Variants in BLTP2 observed in about 807,000 individuals in gnomAD.
BLTP2 encodes the protein U937-associated antigen.
chr17:28,632,082 T>C, the BLTP2 span: 18 of 1,613,910 alleles, frequency 1.1e-5, no homozygotes, highest in African/African-American at 1.9e-4. Flanking sequence ...TATAGGAAAG[T>C]TGCTTGTAGT....
chr17:28,639,532 A>G, the BLTP2 span: 1 of 1,613,168 alleles, frequency 6.2e-7, no homozygotes, highest in Non-Finnish European at 8.5e-7. Context: ...ATGTAGCGGG[A>G]GAATAGAGAA....
chr17:28,633,669 C>G, the BLTP2 span: 1 of 1,614,108 alleles, frequency 6.2e-7, no homozygotes, highest in Admixed American at 1.7e-5. Flanking sequence ...AGGGCTTGGT[C>G]AAGAGGTCCA....
At chr17:28,619,766 C>T in the BLTP2 span, 10 of 1,613,914 alleles carry the variant, frequency 6.2e-6, no homozygotes, top group Non-Finnish European at 7.6e-6. Context: ...TTGCTGTCAT[C>T]CTGCAAAGAC....
At chr17:28,624,167 G>C in the BLTP2 span, 1 of 1,541,396 alleles carries the variant, frequency 6.5e-7, no homozygotes, top group Non-Finnish European at 8.9e-7. Context: ...ATTTAGAGGT[G>C]GGGGAAGGGG....
chr17:28,631,789 T>C, the BLTP2 span: 2 of 1,605,238 alleles, frequency 1.2e-6, no homozygotes, highest in Middle Eastern at 1.7e-4. Context: ...AGGAACAGGA[T>C]AGGAGAAATG....
the BLTP2 span, chr17:28,645,100 C>G: frequency 6.5e-7 from 1 of 1,546,218 alleles, no homozygotes; most frequent in Non-Finnish European, 8.7e-7. Flanking sequence ...CCCCGCCATG[C>G]CGGGCCCCGA....
chr17:28,637,821 C>A, the BLTP2 span: 1 of 1,611,020 alleles, frequency 6.2e-7, no homozygotes, highest in Non-Finnish European at 8.5e-7. Flanking sequence ...AGTATAGACT[C>A]CTTGTCCCAC....
At chr17:28,640,041 T>A in the BLTP2 span, 1 of 1,612,402 alleles carries the variant, frequency 6.2e-7, no homozygotes, top group South Asian at 1.1e-5. Context: ...CCGAGACAGA[T>A]TCCAGCTCAG....
chr17:28,639,858 G>C, the BLTP2 span: 1 of 1,609,556 alleles, frequency 6.2e-7, no homozygotes, highest in Non-Finnish European at 8.5e-7. Context: ...AGAGTATCTA[G>C]TCCTCCCATT....
At chr17:28,620,942 A>G in the BLTP2 span, 7 of 1,545,888 alleles carry the variant, frequency 4.5e-6, no homozygotes, top group South Asian at 7.9e-5. Flanking sequence ...AACTACTTTC[A>G]CAATTTCTCT....
the BLTP2 span, among the ~76,000 whole-genome samples, chr17:28,629,497 A>C: frequency 6.6e-6 from 1 of 151,832 alleles, no homozygotes; most frequent in Non-Finnish European, 1.5e-5. Flanking sequence ...TATTTTTTGG[A>C]AACAGAGTCT....
chr17:28,642,835 AG>A, the BLTP2 span: 32 of 1,220,542 alleles, frequency 2.6e-5, no homozygotes, highest in Non-Finnish European at 3.8e-5. Context: ...AGGCAAGAAT[AG>A]GACGGCTAGA....
the BLTP2 span, chr17:28,640,458 C>T: frequency 5.8e-6 from 7 of 1,216,508 alleles, no homozygotes; most frequent in Non-Finnish European, 8.4e-6. Flanking sequence ...TACTTCCTTT[C>T]TCCCCGTAGA....
At chr17:28,615,112 C>T in the BLTP2 span, 2 of 1,613,820 alleles carry the variant, frequency 1.2e-6, no homozygotes, top group South Asian at 2.2e-5. Flanking sequence ...TCTTGTCGCC[C>T]ACACTTAAAC....
the BLTP2 span, chr17:28,641,830 A>G: frequency 6.8e-7 from 1 of 1,465,416 alleles, no homozygotes; most frequent in Non-Finnish European, 9.3e-7. Context: ...TATTTTTTCT[A>G]CTTCCAAAAC....
the BLTP2 span, chr17:28,614,468 T>C: frequency 1.5e-5 from 6 of 408,644 alleles, no homozygotes; most frequent in Admixed American, 1.7e-4. Flanking sequence ...TATCTTTTTT[T>C]TTCTCTTTAA....
chr17:28,637,067 C>G, the BLTP2 span: 1 of 1,614,106 alleles, frequency 6.2e-7, no homozygotes, highest in Non-Finnish European at 8.5e-7. Flanking sequence ...GCATCTTCTC[C>G]GTGACTGATT....
chr17:28,622,091 A>AGGG, the BLTP2 span, among the ~76,000 whole-genome samples: 1 of 151,928 alleles, frequency 6.6e-6, no homozygotes, highest in Non-Finnish European at 1.5e-5. Flanking sequence ...TCGCAGCCTG[A>AGGG]GGGGGGCGGG....
chr17:28,616,513 T>A, the BLTP2 span: 1 of 1,614,144 alleles, frequency 6.2e-7, no homozygotes, highest in Non-Finnish European at 8.5e-7. This position sits in a 1 kb window ranked among gnomAD's most constrained non-coding sequence, Gnocchi z 4.8. Flanking sequence ...GGTATTCCTA[T>A]GAAAAAGCAA....
Sources: gnomAD v4.1 joint callset for allele counts (sites outside exome capture counted in the v4.1 genomes callset) on GRCh38, gnomAD v4.1.1 for gene constraint, Gnocchi (gnomAD v3.1) non-coding constraint, MANE v1.5 for transcripts, NCBI Gene and HGNC (gene_info 2026-07-23, HGNC 2026-07-21) for gene names.